The following DLGAP2 variants were observed in gnomAD, a reference collection of about 807,000 sequenced individuals.
DLGAP2 encodes the protein disks large-associated protein 2.
In DLGAP2, 26 loss-of-function variants were observed where a neutral mutation model predicts 100.3. That is an observed-to-expected ratio of 0.26 (90% CI 0.19 to 0.36). The LOEUF (loss-of-function observed/expected upper bound fraction) is 0.36. DLGAP2 is among the 10% of genes least tolerant of loss of function. The pLI, the probability that DLGAP2 is intolerant of heterozygous loss-of-function variation, is 1.00. For missense variants in DLGAP2, 1,858 were observed against 1,453.2 expected (o/e 1.28, Z -4.53); for synonymous variants, 886 against 630.1 (o/e 1.41, Z -6.08).
Position 1,707,786 on chromosome 8 carries a change from T to A in DLGAP2, c.*6380T>A, listed in dbSNP as rs1242578160. On this transcript the variant is annotated 3_prime_UTR_variant, in exon 15 of 15. Coordinates refer to ENST00000637795, the MANE Select transcript of DLGAP2 (RefSeq NM_001346810.2). Reference sequence around the variant, plus strand: ...AGTTTTAAAGAAGTATATAAATATATATATAAATATAAATATGAAATCATA... The same window carrying A: ...AGTTTTAAAGAAGTATATAAATATAAATATAAATATAAATATGAAATCATA... 6.6e-6 allele frequency: 1 copy of A among 152,394 alleles called. No individual in the cohort carries two copies. The highest frequency in any genetic ancestry group is 2.4e-5 in the African/African-American group (1 of 41,402). The allele number at this position is 152,394 out of a possible 1,614,324, so 9.4% of individuals were successfully genotyped here.
chr8:1,648,340 A>G (rs1585031026), intron 8 of DLGAP2, among the ~76,000 whole-genome samples: 1 of 152,192 alleles, frequency 6.6e-6, no homozygotes, highest in Non-Finnish European at 1.5e-5. Context: ...CAGATGTTCT[A>G]TGTGGACATG....
chr8:1,260,192 C>G (rs943530630), intron 3 of DLGAP2, among the ~76,000 whole-genome samples: 4 of 152,056 alleles, frequency 2.6e-5, no homozygotes, highest in Non-Finnish European at 4.4e-5. Flanking sequence ...AATTCTGCAG[C>G]CTGTCTGTTG....
rs547735756 is a variant in DLGAP2, at chr8:1,246,367, G to A, written c.74-12484G>A. On this transcript the variant is annotated intron_variant, in intron 2 of 14. Coordinates refer to ENST00000637795, the MANE Select transcript of DLGAP2 (RefSeq NM_001346810.2). The stretch of plus-strand genomic sequence containing the variant: ...GATGGTGCTTTTGGAGGCACTAACC[G>A]CTTTCCCATCTCCAGCTTGGCATCC... 8.5e-5 allele frequency among the ~76,000 whole-genome samples: 13 copies of A among 152,262 alleles called. No individual in the cohort carries two copies. The South Asian group carries it at 1.2e-3, about 15-fold the overall frequency.
chr8:998,467 A>ATTT (rs11354301), intron 2 of DLGAP2, among the ~76,000 whole-genome samples: 2 of 142,736 alleles, frequency 1.4e-5, no homozygotes, highest in Non-Finnish European at 1.5e-5. Flanking sequence ...TGCCCAGCTA[A>ATTT]TTTTTTTTTT....
chr8:1,282,281 G>T (rs1799833842), intron 3 of DLGAP2, among the ~76,000 whole-genome samples: 2 of 146,776 alleles, frequency 1.4e-5, no homozygotes, highest in South Asian at 4.4e-4. Flanking sequence ...ATCCGGACAT[G>T]GTGTGACCTG....
intron 8 of DLGAP2, among the ~76,000 whole-genome samples, chr8:1,656,078 C>T (rs925353228): frequency 6.6e-6 from 1 of 152,210 alleles, no homozygotes; most frequent in African/African-American, 2.4e-5. Flanking sequence ...AATCCCAGCA[C>T]TTTGGGAGGC....
chr8:1,560,979 C>T (rs766025583), intron 5 of DLGAP2, among the ~76,000 whole-genome samples: 9 of 152,236 alleles, frequency 5.9e-5, no homozygotes, highest in African/African-American at 1.2e-4. Flanking sequence ...ACCGAAATCT[C>T]GTTTTGCCTG....
intron 2 of DLGAP2, among the ~76,000 whole-genome samples, chr8:982,805 G>A (rs7009000): frequency 0.01 from 1,514 of 149,854 alleles, 23 homozygotes; most frequent in African/African-American, 0.035. Flanking sequence ...CAGTTGGTCC[G>A]TTTATACTGC....
intron 3 of DLGAP2, among the ~76,000 whole-genome samples, chr8:1,329,500 A>G (rs1801100242): frequency 6.6e-6 from 1 of 152,116 alleles, no homozygotes; most frequent in Non-Finnish European, 1.5e-5. Context: ...CAAGAGTTTC[A>G]TTTAGAGAGT....
At chr8:921,364 C>A (rs1213899012) in intron 2 of DLGAP2, among the ~76,000 whole-genome samples, 1 of 152,160 alleles carries the variant, frequency 6.6e-6, no homozygotes, top group Non-Finnish European at 1.5e-5. Context: ...TGTCCACAGA[C>A]CCGACCTCCC....
chr8:901,188 G>C (rs1027402497), intron 1 of DLGAP2, among the ~76,000 whole-genome samples: 6 of 152,188 alleles, frequency 3.9e-5, no homozygotes, highest in African/African-American at 1.2e-4. Context: ...TCAGGAGGCT[G>C]ATGTAGGAGG....
chr8:1,212,365 A>G (rs757488576), intron 2 of DLGAP2, among the ~76,000 whole-genome samples: 6 of 152,224 alleles, frequency 3.9e-5, no homozygotes, highest in Non-Finnish European at 7.3e-5. Context: ...GCTGAGACCC[A>G]TGGAGCATTA....
At chr8:1,359,491 G>T (rs1801930470) in intron 3 of DLGAP2, among the ~76,000 whole-genome samples, 1 of 152,272 alleles carries the variant, frequency 6.6e-6, no homozygotes, top group Non-Finnish European at 1.5e-5. Flanking sequence ...GCTGCCACTG[G>T]CCTAGCCTCC....
intron 10 of DLGAP2, among the ~76,000 whole-genome samples, chr8:1,674,029 C>T (rs780363572): frequency 6.6e-6 from 1 of 152,108 alleles, no homozygotes; most frequent in Admixed American, 6.6e-5. Flanking sequence ...GTATTATAAG[C>T]ATTCTTGAGG....
At chr8:782,795 A>C (rs1821732993) in intron 1 of DLGAP2, among the ~76,000 whole-genome samples, 2 of 152,174 alleles carry the variant, frequency 1.3e-5, no homozygotes, top group South Asian at 4.1e-4. Context: ...GAATGCCTTG[A>C]AAAGCAGAAA....
intron 8 of DLGAP2, among the ~76,000 whole-genome samples, chr8:1,634,867 A>G (rs1278890213): frequency 1.3e-5 from 2 of 152,292 alleles, no homozygotes; most frequent in South Asian, 2.1e-4. Flanking sequence ...TATATATACA[A>G]TGTTTACCAT....
intron 6 of DLGAP2, among the ~76,000 whole-genome samples, chr8:1,582,598 T>C (rs1331988463): frequency 6.6e-6 from 1 of 152,022 alleles, no homozygotes; most frequent in Non-Finnish European, 1.5e-5. Context: ...TTCTTTTCTT[T>C]TCCCCCGCCA....
chr8:1,659,332 G>C (rs1798357178), intron 8 of DLGAP2, among the ~76,000 whole-genome samples: 1 of 152,154 alleles, frequency 6.6e-6, no homozygotes, highest in Non-Finnish European at 1.5e-5. Flanking sequence ...ATTTGGGGTA[G>C]AGAGTTCTGT....
chr8:1,143,990 A>T (rs958676698), intron 2 of DLGAP2, among the ~76,000 whole-genome samples: 4 of 152,236 alleles, frequency 2.6e-5, no homozygotes, highest in African/African-American at 7.2e-5. Context: ...ATTTTGGAAT[A>T]CCTGGAGTTA....
Sources: allele counts gnomAD v4.1 joint callset (sites outside exome capture counted in the v4.1 genomes callset), GRCh38; gene constraint gnomAD v4.1.1; transcripts MANE v1.5; gene names NCBI Gene and HGNC (gene_info 2026-07-23, HGNC 2026-07-21).